The following ZMYM2 variants were observed in gnomAD, a reference collection of about 807,000 sequenced individuals.
ZMYM2 encodes the protein zinc finger MYM-type protein 2.
ZMYM2 carries 56 observed loss-of-function variants against 162.8 expected under a neutral mutation model. The observed-to-expected ratio is 0.34, with a 90% CI of 0.28 to 0.43. The LOEUF is 0.43. ZMYM2 is among the 20% of genes least tolerant of loss of function. The pLI, the probability that ZMYM2 is intolerant of heterozygous loss-of-function variation, is 1.00. For missense variants in ZMYM2, 1,275 were observed against 1,621.8 expected (o/e 0.79, Z 3.67); for synonymous variants, 510 against 541.6 (o/e 0.94, Z 0.81).
At chr13:19,904,735 A>G in the ZMYM2 span, among the ~76,000 whole-genome samples, 3 of 152,172 alleles carry the variant, frequency 2.0e-5, no homozygotes, top group Non-Finnish European at 4.4e-5. Context: ...CTCTTTATAT[A>G]CACTCTTCCA....
the ZMYM2 span, among the ~76,000 whole-genome samples, chr13:19,911,120 G>A: frequency 1.3e-5 from 2 of 148,306 alleles, no homozygotes; most frequent in African/African-American, 5.0e-5. Flanking sequence ...GCAGTGGTGG[G>A]ATCTCGGCTC....
In ZMYM2 at chr13:20,015,798, A is replaced by C. The variant is rs146022272; in HGVS notation, c.1513-3749A>C. On this transcript the variant is annotated intron_variant, in intron 6 of 24. Transcript: ENST00000610343. ...GCCTTATATTAATATGGCAACCCCA[A>C]CTCTCTTAGTTACTGTTTATTTGTG... Among the ~76,000 whole-genome samples, 32 of 151,600 alleles carry C rather than the reference A, an allele frequency of 2.1e-4. No individual in the cohort carries two copies. The East Asian group carries it at 6.2e-3, about 30-fold the overall frequency.
chr13:20,052,411 GT>G (rs373948094), intron 14 of ZMYM2, 100 bp downstream of exon 14: 5,409 of 1,020,880 alleles, frequency 5.3e-3, no homozygotes, highest in South Asian at 0.01. Context: ...AATTTTTTTG[GT>G]TTTTTTTTTG....
chr13:19,948,002 A>AG, the ZMYM2 span, among the ~76,000 whole-genome samples: 1 of 41,982 alleles, frequency 2.4e-5, no homozygotes, highest in African/African-American at 4.2e-5. Flanking sequence ...CCTGTAAGTA[A>AG]AAAAAAAAAA....
At chr13:20,013,331 G>A (rs1951349846) in intron 6 of ZMYM2, among the ~76,000 whole-genome samples, 1 of 152,096 alleles carries the variant, frequency 6.6e-6, no homozygotes, top group South Asian at 2.1e-4. Context: ...CTGAATGTTA[G>A]CTCTACTAGC....
the ZMYM2 span, among the ~76,000 whole-genome samples, chr13:19,879,993 G>C: frequency 2.0e-5 from 3 of 152,144 alleles, no homozygotes; most frequent in Non-Finnish European, 4.4e-5. Context: ...TCCTGGGTCT[G>C]GGACAACCAT....
At chr13:20,024,442 CTTAA>C (rs1380920662) in intron 7 of ZMYM2, 2 of 213,276 alleles carry the variant, frequency 9.4e-6, no homozygotes, top group African/African-American at 4.5e-5. Flanking sequence ...GATGGTGGAA[CTTAA>C]TTTATATGAG....
chr13:19,920,668 G>C, the ZMYM2 span, among the ~76,000 whole-genome samples: 18 of 152,120 alleles, frequency 1.2e-4, no homozygotes, highest in Admixed American at 2.0e-4. Context: ...CATGCCTAGG[G>C]AAAGAGGAAG....
chr13:19,891,284 A>C, the ZMYM2 span, among the ~76,000 whole-genome samples: 146 of 151,958 alleles, frequency 9.6e-4, no homozygotes, highest in South Asian at 4.8e-3. Context: ...ACACAGTGAG[A>C]GTGTGACCAT....
the ZMYM2 span, among the ~76,000 whole-genome samples, chr13:19,885,979 A>ATACACATATATGTG: frequency 5.2e-3 from 178 of 34,070 alleles, 72 homozygotes; most frequent in Admixed American, 0.016. Flanking sequence ...ACACATATAT[A>ATACACATATATGTG]TGTATATACA....
the ZMYM2 span, among the ~76,000 whole-genome samples, chr13:19,906,284 GTATATATATATATATATATATATATA>G: frequency 0.095 from 6,090 of 63,824 alleles, 388 homozygotes; most frequent in African/African-American, 0.22. Flanking sequence ...TCAAAAAAAA[GTATATATATATATATATATATATATA>G]TATATATATA....
In ZMYM2 at chr13:20,059,444, T is replaced by C. The variant is rs1198843142; in HGVS notation, c.2624-3T>C. ...GCTCCTTAAATATGTTTTGTGTTTT[T>C]AGATGATACTTGGAGGACAGAATAT... On this transcript the variant is annotated splice_region_variant and splice_polypyrimidine_tract_variant and intron_variant, in intron 15 of 24. Coordinates refer to ENST00000610343, the MANE Select transcript of ZMYM2 (RefSeq NM_197968.4). 7 of 1,613,012 alleles carry C rather than the reference T, an allele frequency of 4.3e-6. No individual in the cohort carries two copies.
At chr13:20,017,141 AG>A (rs1261032058) in intron 6 of ZMYM2, among the ~76,000 whole-genome samples, 1 of 152,198 alleles carries the variant, frequency 6.6e-6, no homozygotes, top group African/African-American at 2.4e-5. Context: ...GAGGTGGTTA[AG>A]GTGTCTAATT....
At chr13:20,001,449 C>T (rs192724234) in intron 3 of ZMYM2, among the ~76,000 whole-genome samples, 3 of 151,334 alleles carry the variant, frequency 2.0e-5, no homozygotes, top group South Asian at 4.2e-4. Context: ...GCTGCAATCT[C>T]GTGATAAAAC....
chr13:19,974,670 C>T (rs1956629019), intron 2 of ZMYM2, among the ~76,000 whole-genome samples: 1 of 152,036 alleles, frequency 6.6e-6, no homozygotes, highest in African/African-American at 2.4e-5. Flanking sequence ...TGGGGTTTCA[C>T]CATGTGGGCC....
Position 20,032,596 on chromosome 13 carries a change from TG to T in ZMYM2, c.1968+1162del, listed in dbSNP as rs1566350719. 1.6e-3 allele frequency among the ~76,000 whole-genome samples: 215 copies of T among 137,838 alleles called. 2 individuals are homozygous for T. The highest frequency in any genetic ancestry group is 2.5e-3 in the Non-Finnish European group (161 of 63,160). 90.4% of individuals were successfully genotyped at this position (137,838 alleles called of 152,430 possible). A position where few individuals can be genotyped will look rare whatever the true frequency, so the allele number is the denominator to read the frequency against. On this transcript the variant is annotated intron_variant, in intron 10 of 24. Coordinates refer to ENST00000610343, the MANE Select transcript of ZMYM2 (RefSeq NM_197968.4). ...GAACTGGATTACATGATTTTTTTTC[TG>T]TCTTTTTTTTTTTTTTTTTTTTTTT...
chr13:20,033,541 C>T (rs1032247917), intron 10 of ZMYM2, among the ~76,000 whole-genome samples: 1 of 152,164 alleles, frequency 6.6e-6, no homozygotes, highest in Non-Finnish European at 1.5e-5. Context: ...CTTCCTTATT[C>T]TGGTCTTCAC....
chr13:19,961,977 A>C (rs73426067), intron 2 of ZMYM2, among the ~76,000 whole-genome samples: 4,644 of 152,262 alleles, frequency 0.031, 239 homozygotes, highest in African/African-American at 0.1. Context: ...ATATTTCTTT[A>C]GTGCATCCTT....
chr13:20,051,676 A>G (rs1955361207), intron 13 of ZMYM2, 78 bp downstream of exon 13: 1 of 1,379,712 alleles, frequency 7.2e-7, no homozygotes, highest in Admixed American at 2.8e-5. Context: ...AGCACTGATA[A>G]TGAATAGTTG....
Sources: allele counts gnomAD v4.1 joint callset (sites outside exome capture counted in the v4.1 genomes callset), GRCh38; gene constraint gnomAD v4.1.1; transcripts MANE v1.5; gene names NCBI Gene and HGNC (gene_info 2026-07-23, HGNC 2026-07-21).